The following LRP6 variants were observed in gnomAD, a reference collection of about 807,000 sequenced individuals.
LRP6 encodes low-density lipoprotein receptor-related protein 6.
A neutral mutation model predicts 184.1 loss-of-function variants in LRP6; 43 were observed. The observed-to-expected ratio is 0.23, with a 90% CI of 0.18 to 0.30. LRP6 has a LOEUF of 0.30. Ranked by LOEUF, LRP6 falls within the 10% of genes least tolerant of loss-of-function variation. The probability of loss-of-function intolerance (pLI) is 1.00; values close to 1 mark genes in which losing one functional copy is unlikely to be tolerated. For missense variants in LRP6, 1,571 were observed against 2,005.3 expected (o/e 0.78, Z 4.14); for synonymous variants, 719 against 684.9 (o/e 1.05, Z -0.78).
intron 2 of LRP6, among the ~76,000 whole-genome samples, chr12:12,215,225 C>T (rs879788405): frequency 2.6e-5 from 4 of 151,890 alleles, no homozygotes; most frequent in Non-Finnish European, 5.9e-5. Context: ...CAAACACTTC[C>T]TAATAAGGAA....
chr12:12,168,986 TG>T, intron 7 of LRP6, among the ~76,000 whole-genome samples: 1 of 152,250 alleles, frequency 6.6e-6, no homozygotes, highest in African/African-American at 2.4e-5. Flanking sequence ...CCCAGCACTT[TG>T]GGAGGCCAAG....
intron 1 of LRP6, among the ~76,000 whole-genome samples, chr12:12,265,711 C>T (rs1429945398): frequency 6.6e-6 from 1 of 152,182 alleles, no homozygotes; most frequent in Non-Finnish European, 1.5e-5. Context: ...ACAGCCATCT[C>T]AAGTTCAACA....
chr12:12,194,726 G>A (rs1348170106), intron 3 of LRP6, among the ~76,000 whole-genome samples: 3 of 152,054 alleles, frequency 2.0e-5, no homozygotes, highest in Non-Finnish European at 4.4e-5. Context: ...TAACATTTCT[G>A]TGTTGGAAAC....
chr12:12,197,872 G>A (rs773875587), intron 3 of LRP6, among the ~76,000 whole-genome samples: 124 of 152,238 alleles, frequency 8.1e-4, no homozygotes, highest in Admixed American at 8.5e-4. Flanking sequence ...ATGAAATCCC[G>A]TCTCTACTAA....
intron 13 of LRP6, among the ~76,000 whole-genome samples, chr12:12,150,566 T>G (rs1950067772): frequency 6.6e-6 from 1 of 151,868 alleles, no homozygotes; most frequent in African/African-American, 2.4e-5. Flanking sequence ...GGAAAAAGAC[T>G]TCATAAAGAA....
chr12:12,176,864 TTA>T (rs1491388160), intron 7 of LRP6, among the ~76,000 whole-genome samples: 2 of 150,420 alleles, frequency 1.3e-5, no homozygotes, highest in East Asian at 1.9e-4. Flanking sequence ...TTTTTTTTTT[TTA>T]GACAGAGTCT....
At chr12:12,260,699 C>T (rs1865593119) in intron 1 of LRP6, among the ~76,000 whole-genome samples, 1 of 152,178 alleles carries the variant, frequency 6.6e-6, no homozygotes. Context: ...TCAGTTCTCA[C>T]AGAAGTCTTG....
At chr12:12,257,779 CAAAAAAAAAAAAAAAAAAAA>C (rs1163180718) in intron 1 of LRP6, among the ~76,000 whole-genome samples, 1 of 35,320 alleles carries the variant, frequency 2.8e-5, no homozygotes, top group South Asian at 2.3e-3. Context: ...CCTGTCTCTA[CAAAAAAAAAAAAAAAAAAAA>C]AAAAAAAAAA....
chr12:12,161,551 G>A (rs559285759), intron 10 of LRP6, among the ~76,000 whole-genome samples: 46 of 152,256 alleles, frequency 3.0e-4, no homozygotes, highest in African/African-American at 9.4e-4. Flanking sequence ...GATTACAAGC[G>A]TGAGCCACCA....
intron 12 of LRP6, among the ~76,000 whole-genome samples, chr12:12,156,209 G>GT (rs1950151061): frequency 6.6e-6 from 1 of 152,140 alleles, no homozygotes; most frequent in African/African-American, 2.4e-5. Context: ...CATAGACCAG[G>GT]TGTCACTATG....
At chr12:12,155,841 G>T in intron 12 of LRP6, 1 of 661,644 alleles carries the variant, frequency 1.5e-6, no homozygotes. Context: ...ATTTTCCCAA[G>T]GTCACAAAGC....
chr12:12,205,028 T>C (rs1293360108), intron 2 of LRP6, among the ~76,000 whole-genome samples: 1 of 151,272 alleles, frequency 6.6e-6, no homozygotes, highest in Non-Finnish European at 1.5e-5. Flanking sequence ...TAAAAGCATA[T>C]TTTCAAAAGT....
At chr12:12,152,430 G>C (rs1950094620) in intron 12 of LRP6, among the ~76,000 whole-genome samples, 2 of 152,030 alleles carry the variant, frequency 1.3e-5, no homozygotes, top group Non-Finnish European at 2.9e-5. Context: ...GGGATTACAG[G>C]TGCCCACCAC....
At chr12:12,155,554 C>A in intron 12 of LRP6, 1 of 741,312 alleles carries the variant, frequency 1.3e-6, no homozygotes, top group South Asian at 1.4e-5. Context: ...ACGTTAAGCA[C>A]GCTAAGAGCC....
intron 2 of LRP6, among the ~76,000 whole-genome samples, chr12:12,226,359 G>C (rs2160589): frequency 0.81 from 122,809 of 152,166 alleles, 49,671 homozygotes; most frequent in East Asian, 0.83. Context: ...TAACCAGATT[G>C]AAATATGGCA....
chr12:12,264,503 T>A (rs148381578), intron 1 of LRP6, among the ~76,000 whole-genome samples: 96 of 152,334 alleles, frequency 6.3e-4, no homozygotes, highest in African/African-American at 2.3e-3. Flanking sequence ...CCTGGCTTTC[T>A]GCTACTAATT....
intron 2 of LRP6, among the ~76,000 whole-genome samples, chr12:12,211,753 G>C (rs974060553): frequency 6.6e-6 from 1 of 152,134 alleles, no homozygotes; most frequent in Non-Finnish European, 1.5e-5. Flanking sequence ...AAAAGTTAGT[G>C]GACATAATGC....
chr12:12,174,301 G>A (rs572344841), intron 7 of LRP6, among the ~76,000 whole-genome samples: 2 of 152,078 alleles, frequency 1.3e-5, no homozygotes, highest in African/African-American at 4.8e-5. Flanking sequence ...TAGTAGAGAC[G>A]GGGTTTCACC....
chr12:12,145,779 C>T (rs934017812), intron 15 of LRP6, among the ~76,000 whole-genome samples: 1 of 151,680 alleles, frequency 6.6e-6, no homozygotes, highest in Non-Finnish European at 1.5e-5. Flanking sequence ...TTACAGGTGC[C>T]CACCACCATG....
Sources: allele counts gnomAD v4.1 joint callset (sites outside exome capture counted in the v4.1 genomes callset), GRCh38; gene constraint gnomAD v4.1.1; transcripts MANE v1.5; gene names NCBI Gene and HGNC (gene_info 2026-07-23, HGNC 2026-07-21).